LHFPL4: variants seen among roughly 807,000 people sequenced by gnomAD.
The protein encoded by LHFPL4 is LHFPL tetraspan subfamily member 4 protein.
Under a neutral mutation model 20.0 loss-of-function variants are expected in LHFPL4, and 6 were observed. The observed-to-expected ratio is 0.30, with a 90% confidence interval of 0.16 to 0.59. The LOEUF (loss-of-function observed/expected upper bound fraction) is 0.59, where lower values mean the gene tolerates loss of function less well. Among genes scored for constraint, LHFPL4 ranks in the 20% least tolerant of loss-of-function variants. LHFPL4 has a pLI of 0.88. For missense variants in LHFPL4, 215 were observed against 331.2 expected (o/e 0.65, Z 2.72); for synonymous variants, 129 against 143.8 (o/e 0.90, Z 0.74).
At chr3:9,504,688 G>A (rs532169457) in intron 3 of LHFPL4, among the ~76,000 whole-genome samples, 1 of 152,008 alleles carries the variant, frequency 6.6e-6, no homozygotes, top group East Asian at 1.9e-4. Flanking sequence ...AGCCGGGCGT[G>A]GTGGCGGGTG....
At chr3:9,545,559 A>G (rs1436566692) in intron 2 of LHFPL4, among the ~76,000 whole-genome samples, 1 of 152,148 alleles carries the variant, frequency 6.6e-6, no homozygotes, top group African/African-American at 2.4e-5. Flanking sequence ...TGAGGTCAGG[A>G]GTTCAAGACC....
intron 2 of LHFPL4, among the ~76,000 whole-genome samples, chr3:9,535,851 G>C (rs896858735): frequency 6.6e-6 from 1 of 152,118 alleles, no homozygotes; most frequent in African/African-American, 2.4e-5. Context: ...GCCCAGGCTG[G>C]AGTGCAGTAG....
At chr3:9,519,965 A>T (rs1185974903) in intron 2 of LHFPL4, among the ~76,000 whole-genome samples, 2 of 151,864 alleles carry the variant, frequency 1.3e-5, no homozygotes. Flanking sequence ...GTTGATTTTT[A>T]TTATTTATTT....
At chr3:9,509,592 A>G (rs981004248) in intron 2 of LHFPL4, among the ~76,000 whole-genome samples, 4 of 152,230 alleles carry the variant, frequency 2.6e-5, no homozygotes, top group Admixed American at 2.6e-4. Flanking sequence ...ACACATGTCA[A>G]GGTGTGCTTC....
intron 2 of LHFPL4, among the ~76,000 whole-genome samples, chr3:9,545,908 C>CA (rs1401466400): frequency 1.3e-5 from 2 of 149,570 alleles, no homozygotes. Flanking sequence ...GACTCAGTTT[C>CA]AAATAAAAGA....
At chr3:9,532,046 G>A (rs1042807862) in intron 2 of LHFPL4, among the ~76,000 whole-genome samples, 1 of 152,138 alleles carries the variant, frequency 6.6e-6, no homozygotes, top group Non-Finnish European at 1.5e-5. Context: ...GTGGTTTTGA[G>A]ATGGAGTCTC....
intron 2 of LHFPL4, among the ~76,000 whole-genome samples, chr3:9,524,146 AT>A (rs1419586682): frequency 6.8e-6 from 1 of 146,648 alleles, no homozygotes; most frequent in East Asian, 2.0e-4. Context: ...TTGTTTCAGA[AT>A]TTTTTCATTA....
chr3:9,527,301 G>T (rs979333285), intron 2 of LHFPL4, among the ~76,000 whole-genome samples: 2 of 152,132 alleles, frequency 1.3e-5, no homozygotes, highest in African/African-American at 2.4e-5. Flanking sequence ...AGGCATCGTG[G>T]CTCATGCCTG....
chr3:9,508,667 C>A (rs764046649), intron 2 of LHFPL4, among the ~76,000 whole-genome samples: 1 of 152,178 alleles, frequency 6.6e-6, no homozygotes, highest in African/African-American at 2.4e-5. Flanking sequence ...GAGGGGCCTG[C>A]GGAGAAGGCC....
chr3:9,549,748 A>C (rs1477986945), intron 2 of LHFPL4, among the ~76,000 whole-genome samples: 2 of 152,174 alleles, frequency 1.3e-5, no homozygotes, highest in South Asian at 2.1e-4. Flanking sequence ...GAGGCACTTT[A>C]ATTCTTATCT....
At chr3:9,543,601 C>G (rs2046491848) in intron 2 of LHFPL4, among the ~76,000 whole-genome samples, 1 of 151,964 alleles carries the variant, frequency 6.6e-6, no homozygotes. Flanking sequence ...CATGAGAGAC[C>G]CTGAGTCATA....
rs1381477021 is a variant in LHFPL4 at position 9,501,846 on chromosome 3, GC to G, written c.*364del. On this transcript the variant is annotated 3_prime_UTR_variant, in exon 4 of 4. Coordinates refer to ENST00000287585, the MANE Select transcript of LHFPL4 (RefSeq NM_198560.3). ...GAGGTGCGGATACAGCCAGGCGGCA[GC>G]CCTCCAGACTGAGGGGGCCTGGGGA... The G allele has an allele frequency of 4.4e-6, 1 of 226,482 alleles. No homozygotes were observed. Among genetic ancestry groups the G allele is most frequent in the African/African-American group, 2.3e-5 (1 of 44,070 alleles). 14.0% of individuals were successfully genotyped at this position (226,482 alleles called of 1,614,324 possible). A position where few individuals can be genotyped will look rare whatever the true frequency, so the allele number is the denominator to read the frequency against.
At chr3:9,546,123 G>C (rs112472190) in intron 2 of LHFPL4, among the ~76,000 whole-genome samples, 3 of 151,938 alleles carry the variant, frequency 2.0e-5, no homozygotes, top group African/African-American at 7.3e-5. Context: ...AGACCAGCCT[G>C]GCCAACATGG....
intron 2 of LHFPL4, among the ~76,000 whole-genome samples, chr3:9,548,155 C>T (rs1244585938): frequency 6.6e-6 from 1 of 152,138 alleles, no homozygotes; most frequent in African/African-American, 2.4e-5. Context: ...CGGGCTCCAC[C>T]ACTTACCAAC....
At chr3:9,502,441 C>T (rs1444308782) in intron 3 of LHFPL4, 130 bp from the exon 4 acceptor site, 3 of 686,212 alleles carry the variant, frequency 4.4e-6, no homozygotes, top group Non-Finnish European at 7.9e-6. Context: ...GTGGCTGACG[C>T]CTGTAATCCC....
intron 2 of LHFPL4, among the ~76,000 whole-genome samples, chr3:9,532,217 C>T (rs920009583): frequency 8.6e-5 from 13 of 151,890 alleles, no homozygotes; most frequent in African/African-American, 2.2e-4. Context: ...TTAATAGAGA[C>T]GGGATTTCAC....
chr3:9,525,598 C>T (rs1261699680), intron 2 of LHFPL4, among the ~76,000 whole-genome samples: 1 of 152,170 alleles, frequency 6.6e-6, no homozygotes, highest in Non-Finnish European at 1.5e-5. Context: ...CAGAAGTCCA[C>T]TCATCTGTGT....
chr3:9,518,957 A>G (rs1281671754), intron 2 of LHFPL4, among the ~76,000 whole-genome samples: 1 of 145,370 alleles, frequency 6.9e-6, no homozygotes, highest in Non-Finnish European at 1.5e-5. Context: ...TTATTTAGAG[A>G]CAGAGTCTCT....
intron 2 of LHFPL4, among the ~76,000 whole-genome samples, chr3:9,537,103 C>T (rs1226752838): frequency 6.6e-6 from 1 of 151,902 alleles, no homozygotes; most frequent in Non-Finnish European, 1.5e-5. Context: ...AGAAAGAAAC[C>T]AGCTCTCCTA....
Sources: gnomAD v4.1 joint callset for allele counts (sites outside exome capture counted in the v4.1 genomes callset) on GRCh38, gnomAD v4.1.1 for gene constraint, MANE v1.5 for transcripts, NCBI Gene and HGNC (gene_info 2026-07-23, HGNC 2026-07-21) for gene names.